HTR3B: variants seen among roughly 807,000 people sequenced by gnomAD.
The protein encoded by HTR3B is 5-hydroxytryptamine receptor 3B, also known as 5-hydroxytryptamine (serotonin) receptor 3B, ionotropic.
In HTR3B, 44 loss-of-function variants were observed where a neutral mutation model predicts 42.8. The ratio of observed to expected loss-of-function variants is 1.03; its 90% CI spans 0.81 to 1.32. The LOEUF is 1.32. Among genes scored for constraint, HTR3B ranks in the 40% most tolerant of loss-of-function variants. HTR3B has a pLI of 0.00. For synonymous variants in HTR3B, 203 were observed against 209.0 expected (o/e 0.97, Z 0.25); for missense variants, 527 against 536.5 (o/e 0.98, Z 0.17).
At chr11:113,908,562 A>G (rs1039807139) in intron 1 of HTR3B, among the ~76,000 whole-genome samples, 1 of 152,152 alleles carries the variant, frequency 6.6e-6, no homozygotes, top group African/African-American at 2.4e-5. Context: ...GTCACTTCCA[A>G]TTGCTGGTGC....
chr11:113,940,292 G>C (rs1950123955), intron 6 of HTR3B, among the ~76,000 whole-genome samples: 2 of 152,158 alleles, frequency 1.3e-5, no homozygotes, highest in Non-Finnish European at 2.9e-5. Flanking sequence ...CAAGTCTCTA[G>C]GGAGTGTTCC....
intron 1 of HTR3B, 197 bp from the exon 2 acceptor site, chr11:113,909,097 CT>C: frequency 1.7e-6 from 1 of 589,860 alleles, no homozygotes; most frequent in South Asian, 2.2e-5. Context: ...AATGAGGTTT[CT>C]CCATTGGGCA....
At chr11:113,928,729 G>T (rs1281482750) in intron 2 of HTR3B, among the ~76,000 whole-genome samples, 1 of 152,108 alleles carries the variant, frequency 6.6e-6, no homozygotes, top group Non-Finnish European at 1.5e-5. Context: ...TAGAGACGGG[G>T]TTTCACCATG....
rs770037424 is a variant in HTR3B, at chr11:113,943,056, C to T, written c.771C>T (p.Asp257=). 5.0e-6 allele frequency: 8 copies of T among 1,614,000 alleles called. No homozygotes were observed. The highest frequency in any genetic ancestry group is 2.2e-5 in the East Asian group (1 of 44,852). The stretch of plus-strand genomic sequence containing the variant: ...CTAGCATCTTTCTCATGCTGGTGGA[C>T]CTGGGGAGCTTCTACCTGCCACCCA... ...LIPSIFLMLV[D]LGSFYLPPNC... The change falls in exon 7 of 9, where the codon GAC becomes GAT. Residue 257 remains aspartate (D), a synonymous_variant. Coordinates refer to ENST00000260191, the MANE Select transcript of HTR3B (RefSeq NM_006028.5).
At chr11:113,929,162 T>A (rs1950006807) in intron 2 of HTR3B, among the ~76,000 whole-genome samples, 1 of 152,196 alleles carries the variant, frequency 6.6e-6, no homozygotes, top group Non-Finnish European at 1.5e-5. Flanking sequence ...TTTCTCCCCA[T>A]CCTCACCAAC....
rs532296104 is a variant in HTR3B, at chr11:113,948,520, T to G, written c.*2383T>G. 2.4e-4 allele frequency among the ~76,000 whole-genome samples: 36 copies of G among 152,338 alleles called. No individual in the cohort carries two copies. The highest frequency in any genetic ancestry group is 7.7e-4 in the African/African-American group (32 of 41,578). On this transcript the variant is annotated 3_prime_UTR_variant, in exon 9 of 9. Coordinates refer to ENST00000260191, the MANE Select transcript of HTR3B (RefSeq NM_006028.5). ...GGGCTGTTTATATTTGCTCTACCCC[T>G]ATCAAAGAGTTATGAGGATCAAAAT...
rs1239794055 is a variant in HTR3B, at chr11:113,919,160, A to AT, written c.213+9713dup. Among the ~76,000 whole-genome samples, 6 of 151,692 alleles carry AT rather than the reference A, an allele frequency of 4.0e-5. No individual in the cohort carries two copies. The South Asian group carries it at 6.2e-4, about 16-fold the overall frequency. ...TAGCTTTTTAGCGATCCATCTTTGT[A>AT]TTTTTTTTAGACTTTGCCTTAGGAA... On this transcript the variant is annotated intron_variant, in intron 2 of 8. Transcript: ENST00000260191.
intron 2 of HTR3B, among the ~76,000 whole-genome samples, chr11:113,919,097 T>TTTAATAAAA (rs1401000875): frequency 4.6e-5 from 7 of 152,210 alleles, no homozygotes; most frequent in African/African-American, 1.7e-4. Flanking sequence ...TTAATAAATG[T>TTTAATAAAA]TAAAAATATT....
At chr11:113,927,800 C>T (rs1160699961) in intron 2 of HTR3B, among the ~76,000 whole-genome samples, 3 of 152,096 alleles carry the variant, frequency 2.0e-5, no homozygotes, top group Admixed American at 2.0e-4. Context: ...TCAGTTGATC[C>T]TCCCACCTCG....
intron 6 of HTR3B, among the ~76,000 whole-genome samples, chr11:113,942,231 G>A (rs995582682): frequency 5.3e-5 from 8 of 152,060 alleles, no homozygotes; most frequent in Admixed American, 1.3e-4. Flanking sequence ...AGCCGAGGTC[G>A]CACCACTGCA....
At chr11:113,931,631 C>T in intron 3 of HTR3B, 127 bp from the exon 4 acceptor site, 2 of 693,094 alleles carry the variant, frequency 2.9e-6, no homozygotes, top group Non-Finnish European at 2.5e-6. Flanking sequence ...ATGGGAAGTC[C>T]TTTCTCCTAA....
At chr11:113,913,614 A>G (rs1426653726) in intron 2 of HTR3B, among the ~76,000 whole-genome samples, 1 of 152,020 alleles carries the variant, frequency 6.6e-6, no homozygotes, top group Non-Finnish European at 1.5e-5. Flanking sequence ...TCCCAGGTTC[A>G]AGCCATACTC....
chr11:113,931,703 G>T, intron 3 of HTR3B, 55 bp from the exon 4 acceptor site: 1 of 1,010,860 alleles, frequency 9.9e-7, no homozygotes, highest in South Asian at 1.3e-5. Flanking sequence ...TAGTTCTTTA[G>T]CGAAGTAGAT....
intron 5 of HTR3B, 45 bp downstream of exon 5, chr11:113,932,503 G>C (rs762823117): frequency 8.4e-6 from 12 of 1,429,844 alleles, no homozygotes; most frequent in Non-Finnish European, 1.2e-5. Flanking sequence ...GGTGCACATA[G>C]GTGAAATGAT....
chr11:113,946,958 T>C lies in HTR3B; in HGVS notation c.*821T>C, dbSNP rs12795805. Among the ~76,000 whole-genome samples the C allele has an allele frequency of 0.2, 30,830 of 152,208 alleles. 3,422 individuals are homozygous for C. Among genetic ancestry groups the C allele is most frequent in the South Asian group, 0.34 (1,634 of 4,822 alleles). On this transcript the variant is annotated 3_prime_UTR_variant, in exon 9 of 9. Transcript: ENST00000260191. ...GTTGTGATTCCCATGGTCAACCTGG[T>C]ACCAACCAACCAGAGCATAAAATTC...
chr11:113,948,661 T>C lies in HTR3B; in HGVS notation c.*2524T>C, dbSNP rs370435809. 5.0e-3 allele frequency among the ~76,000 whole-genome samples: 756 copies of C among 152,188 alleles called. 5 individuals carry two copies. Among genetic ancestry groups the C allele is most frequent in the African/African-American group, 0.017 (717 of 41,540 alleles). On this transcript the variant is annotated 3_prime_UTR_variant, in exon 9 of 9. Coordinates refer to ENST00000260191, the MANE Select transcript of HTR3B (RefSeq NM_006028.5). ...GGTGGATTACCTGAGGTCAGGAGTT[T>C]GAGACCAGCCTGACCAACATGGAGA...
At chr11:113,909,090 GAGGTTT>G in intron 1 of HTR3B, 199 bp from the exon 2 acceptor site, 1 of 582,110 alleles carries the variant, frequency 1.7e-6, no homozygotes, top group South Asian at 2.3e-5. Flanking sequence ...TTTTTACAAT[GAGGTTT>G]CTCCATTGGG....
Position 113,932,471 on chromosome 11 carries a change from A to C in HTR3B, c.538+13A>C, listed in dbSNP as rs1950046116. The C allele has an allele frequency of 6.2e-7, 1 of 1,604,514 alleles. No homozygotes were observed. The highest frequency in any genetic ancestry group is 8.5e-7 in the Non-Finnish European group (1 of 1,172,190). ...ATTCTGCATACAGGTAAACCATGAGAGATACCCATTAATGCTAGGTTGGTG... is the reference window on the plus strand; with the variant it reads ...ATTCTGCATACAGGTAAACCATGAGCGATACCCATTAATGCTAGGTTGGTG... On this transcript the variant is annotated intron_variant, in intron 5 of 8. Transcript: ENST00000260191.
the HTR3B span, among the ~76,000 whole-genome samples, chr11:113,899,021 A>G: frequency 6.6e-6 from 1 of 152,198 alleles, no homozygotes; most frequent in African/African-American, 2.4e-5. Context: ...GCTTAGAAGC[A>G]GTAAGGAGTT....
Sources: gnomAD v4.1 joint callset for allele counts (sites outside exome capture counted in the v4.1 genomes callset) on GRCh38, gnomAD v4.1.1 for gene constraint, MANE v1.5 for transcripts, NCBI Gene and HGNC (gene_info 2026-07-23, HGNC 2026-07-21) for gene names.